ANXA4: variants seen among roughly 807,000 people sequenced by gnomAD.
ANXA4 encodes the protein annexin A4.
ANXA4 carries 39 observed loss-of-function variants against 49.8 expected under a neutral mutation model. The ratio of observed to expected loss-of-function variants is 0.78; its 90% CI spans 0.61 to 1.02. ANXA4 has a LOEUF of 1.02. Ranked by LOEUF, ANXA4 falls within the 50% of genes least tolerant of loss-of-function variation. The probability of loss-of-function intolerance (pLI) is 0.00; values close to 1 mark genes in which losing one functional copy is unlikely to be tolerated. For missense variants in ANXA4, 360 were observed against 410.1 expected (o/e 0.88, Z 1.05); for synonymous variants, 134 against 152.5 (o/e 0.88, Z 0.89).
At chr2:69,740,848 T>A (rs1259634935), upstream of ANXA4, among the ~76,000 whole-genome samples, 2 of 136,548 alleles carry the variant, frequency 1.5e-5, no homozygotes, top group African/African-American at 5.8e-5. Context: ...CACCCGGCTA[T>A]ATATATGTTT....
At chr2:69,791,351 A>T (rs1373169810) in intron 3 of ANXA4, among the ~76,000 whole-genome samples, 1 of 152,238 alleles carries the variant, frequency 6.6e-6, no homozygotes, top group African/African-American at 2.4e-5. Flanking sequence ...TTGGTAAAAC[A>T]ACCAGTTTTT....
At chr2:69,777,738 C>A (rs1672018438) in intron 1 of ANXA4, among the ~76,000 whole-genome samples, 1 of 152,208 alleles carries the variant, frequency 6.6e-6, no homozygotes, top group African/African-American at 2.4e-5. Context: ...AGTTCTCCTT[C>A]AGAATTTTGA....
chr2:69,674,122 T>G (rs1677306724), intron 2 of ANXA4: 1 of 152,382 alleles, frequency 6.6e-6, no homozygotes, highest in African/African-American at 2.4e-5. Context: ...AGCACTTCAG[T>G]GGGCTGGGAG....
intron 2 of ANXA4, among the ~76,000 whole-genome samples, chr2:69,708,524 GAAGA>G (rs1396109169): frequency 2.7e-5 from 4 of 146,314 alleles, no homozygotes; most frequent in East Asian, 2.0e-4. Context: ...GAGCCTGGGA[GAAGA>G]AAGAAAGAGA....
At chr2:69,810,519 A>G in intron 6 of ANXA4, 75 bp from the exon 7 acceptor site, 2 of 1,241,004 alleles carry the variant, frequency 1.6e-6, no homozygotes, top group Non-Finnish European at 2.4e-6. Context: ...TTGAGGGGAC[A>G]GATTGCTCTG....
chr2:69,794,773 C>G (rs1672866204), intron 3 of ANXA4, among the ~76,000 whole-genome samples: 1 of 151,996 alleles, frequency 6.6e-6, no homozygotes, highest in African/African-American at 2.4e-5. Flanking sequence ...ACCGTGTTAG[C>G]CAGGAAGGCT....
At chr2:69,755,010 T>C (rs1670987137) in intron 1 of ANXA4, among the ~76,000 whole-genome samples, 1 of 152,242 alleles carries the variant, frequency 6.6e-6, no homozygotes, top group African/African-American at 2.4e-5. Flanking sequence ...TTGGTTTCAC[T>C]TTAAAAGGAA....
At chr2:69,767,974 A>G (rs1573221379) in intron 1 of ANXA4, among the ~76,000 whole-genome samples, 1 of 152,104 alleles carries the variant, frequency 6.6e-6, no homozygotes, top group South Asian at 2.1e-4. Context: ...ATATATACAT[A>G]TGTACACATA....
At chr2:69,720,155 G>C (rs750568296) in intron 2 of ANXA4, among the ~76,000 whole-genome samples, 12 of 152,294 alleles carry the variant, frequency 7.9e-5, no homozygotes, top group South Asian at 4.1e-4. Flanking sequence ...TTCAGAATTT[G>C]TTTCATATGC....
chr2:69,760,467 T>C (rs999130156), intron 1 of ANXA4, among the ~76,000 whole-genome samples: 1 of 152,230 alleles, frequency 6.6e-6, no homozygotes, highest in Non-Finnish European at 1.5e-5. Context: ...TGATGTTTTA[T>C]TGCCAGCCAG....
At chr2:69,645,248 A>T (rs1033732411) in intron 1 of ANXA4, among the ~76,000 whole-genome samples, 1 of 152,222 alleles carries the variant, frequency 6.6e-6, no homozygotes, top group Non-Finnish European at 1.5e-5. Flanking sequence ...CATTGTAATT[A>T]AACTCCGTGA....
chr2:69,695,815 A>G (rs373943750), intron 2 of ANXA4, among the ~76,000 whole-genome samples: 15 of 152,204 alleles, frequency 9.9e-5, no homozygotes, highest in African/African-American at 3.6e-4. Flanking sequence ...CAGTGCATAG[A>G]AAGGTTATGT....
intron 11 of ANXA4, 114 bp from the exon 12 acceptor site, chr2:69,820,585 G>A (rs1002829938): frequency 8.2e-5 from 105 of 1,274,462 alleles, no homozygotes; most frequent in Non-Finnish European, 1.1e-4. Flanking sequence ...GCCAAGTAGT[G>A]GAGCAAAGGA....
chr2:69,796,749 G>A (rs1442824102), intron 3 of ANXA4, among the ~76,000 whole-genome samples: 1 of 152,076 alleles, frequency 6.6e-6, no homozygotes, highest in Non-Finnish European at 1.5e-5. Flanking sequence ...GCAGTTGGAG[G>A]GGGCCCCAGA....
intron 1 of ANXA4, among the ~76,000 whole-genome samples, chr2:69,777,057 A>G (rs545592380): frequency 2.8e-4 from 43 of 152,208 alleles, no homozygotes; most frequent in Non-Finnish European, 5.3e-4. Context: ...TTTATGATAA[A>G]GAGCTACAGA....
intron 2 of ANXA4, among the ~76,000 whole-genome samples, chr2:69,671,500 T>C (rs905636244): frequency 6.6e-6 from 1 of 152,230 alleles, no homozygotes. Flanking sequence ...GTGGATCATC[T>C]GAGGTCAGGA....
rs115493505 is a variant in ANXA4 at position 69,666,559 on chromosome 2, T to G, written n.766+13277T>G. ...CAAATGTTCATAGCAGCATTATTCATAGTAGCCGAAAAGTGGAAACAACCA... is the reference window on the plus strand; with the variant it reads ...CAAATGTTCATAGCAGCATTATTCAGAGTAGCCGAAAAGTGGAAACAACCA... On this transcript the variant is annotated intron_variant and non_coding_transcript_variant, in intron 2 of 3. Transcript: ENST00000418066. Among the ~76,000 whole-genome samples the G allele has an allele frequency of 2.3e-3, 357 of 152,336 alleles. 1 individual carries two copies. Among genetic ancestry groups the G allele is most frequent in the Non-Finnish European group, 4.0e-3 (270 of 68,030 alleles).
intron 2 of ANXA4, among the ~76,000 whole-genome samples, chr2:69,660,761 C>T (rs1266717155): frequency 6.7e-6 from 1 of 148,426 alleles, no homozygotes. Context: ...GGCTATTTGC[C>T]AGAAGGGAGG....
chr2:69,761,437 G>GA (rs1671282246), intron 1 of ANXA4, among the ~76,000 whole-genome samples: 2 of 152,088 alleles, frequency 1.3e-5, no homozygotes, highest in South Asian at 2.1e-4. Flanking sequence ...CATCCACATG[G>GA]AAAAAACTGA....
Sources: gnomAD v4.1 joint callset for allele counts (sites outside exome capture counted in the v4.1 genomes callset) on GRCh38, gnomAD v4.1.1 for gene constraint, MANE v1.5 for transcripts, NCBI Gene and HGNC (gene_info 2026-07-23, HGNC 2026-07-21) for gene names.